Variants in IL1RAPL1 observed in about 807,000 individuals in gnomAD.
IL1RAPL1 encodes interleukin-1 receptor accessory protein-like 1.
In IL1RAPL1, 3 loss-of-function variants were observed where a neutral mutation model predicts 48.4. The ratio of observed to expected loss-of-function variants is 0.06; its 90% CI spans 0.03 to 0.16. The LOEUF is 0.16. Among genes scored for constraint, IL1RAPL1 ranks in the 10% least tolerant of loss-of-function variants. The pLI is 1.00. For synonymous variants in IL1RAPL1, 185 were observed against 187.7 expected (o/e 0.99, Z 0.12); for missense variants, 349 against 530.6 (o/e 0.66, Z 3.36).
chrX:29,161,486 G>A (rs1283034285), intron 2 of IL1RAPL1, among the ~76,000 whole-genome samples: 1 of 111,796 alleles, frequency 8.9e-6, no homozygotes, highest in African/African-American at 3.2e-5. Context: ...TTGAAATAAC[G>A]AACCCACTTG....
intron 2 of IL1RAPL1, among the ~76,000 whole-genome samples, chrX:29,038,874 T>G (rs1001018974): frequency 9.0e-6 from 1 of 111,708 alleles, no homozygotes; most frequent in Non-Finnish European, 1.9e-5. Flanking sequence ...ACTCTACCCA[T>G]GATGCATCAT....
chrX:28,739,937 A>G (rs1935887945), intron 1 of IL1RAPL1, among the ~76,000 whole-genome samples: 1 of 109,607 alleles, frequency 9.1e-6, no homozygotes, highest in African/African-American at 3.4e-5. Flanking sequence ...TAATTTTCTT[A>G]TATCCCCTAG....
intron 5 of IL1RAPL1, among the ~76,000 whole-genome samples, chrX:29,486,485 C>T (rs918543518): frequency 9.1e-6 from 1 of 109,975 alleles, no homozygotes; most frequent in Non-Finnish European, 1.9e-5. Context: ...CAGCATGACA[C>T]TATGTCTCTT....
chrX:29,499,514 A>G (rs1935249901), intron 5 of IL1RAPL1, among the ~76,000 whole-genome samples: 1 of 112,146 alleles, frequency 8.9e-6, no homozygotes, highest in African/African-American at 3.2e-5. Flanking sequence ...TACTACACAC[A>G]TATCAGATGA....
At chrX:29,183,651 G>A (rs1930191135) in intron 2 of IL1RAPL1, among the ~76,000 whole-genome samples, 1 of 111,743 alleles carries the variant, frequency 8.9e-6, no homozygotes, top group Non-Finnish European at 1.9e-5. Flanking sequence ...TGAATGAGAT[G>A]CCCTCCTCTC....
chrX:29,844,691 G>T (rs973130859), intron 6 of IL1RAPL1, among the ~76,000 whole-genome samples: 1 of 112,311 alleles, frequency 8.9e-6, no homozygotes, highest in African/African-American at 3.2e-5. Flanking sequence ...GTATACAGGA[G>T]AATGTGCATA....
At chrX:29,917,306 A>G (rs1166914021) in intron 6 of IL1RAPL1, among the ~76,000 whole-genome samples, 158 bp from the exon 7 acceptor site, 1 of 112,905 alleles carries the variant, frequency 8.9e-6, no homozygotes, top group African/African-American at 3.2e-5. Context: ...CACACATTCT[A>G]TCAATTTGAC....
At chrX:28,898,205 C>T (rs1433380156) in intron 2 of IL1RAPL1, among the ~76,000 whole-genome samples, 1 of 111,779 alleles carries the variant, frequency 8.9e-6, no homozygotes, top group East Asian at 2.8e-4. Flanking sequence ...AGTATTTTTT[C>T]TCATTCCTTG....
intron 8 of IL1RAPL1, among the ~76,000 whole-genome samples, chrX:29,925,923 C>A (rs1179036184): frequency 8.9e-6 from 1 of 112,082 alleles, no homozygotes; most frequent in Non-Finnish European, 1.9e-5. Flanking sequence ...ACCACTTGAG[C>A]TATTTCCTTA....
intron 2 of IL1RAPL1, among the ~76,000 whole-genome samples, chrX:29,241,385 G>A (rs1232314129): frequency 1.8e-5 from 2 of 111,497 alleles, no homozygotes; most frequent in African/African-American, 6.5e-5. Context: ...CAAGTTAAAG[G>A]ATAGCTTTTT....
intron 5 of IL1RAPL1, among the ~76,000 whole-genome samples, chrX:29,551,102 TAATG>T (rs1921802904): frequency 8.9e-6 from 1 of 112,327 alleles, no homozygotes; most frequent in South Asian, 3.6e-4. Context: ...TTACTTATCA[TAATG>T]TCTTCAAGGC....
chrX:29,231,030 C>T (rs1436158831), intron 2 of IL1RAPL1, among the ~76,000 whole-genome samples: 3 of 112,181 alleles, frequency 2.7e-5, no homozygotes, highest in African/African-American at 9.7e-5. Flanking sequence ...GAATCTGCTG[C>T]TACAAGATAT....
chrX:29,433,268 CTTCCAGAGATCT>C (rs1445839736), intron 5 of IL1RAPL1, among the ~76,000 whole-genome samples: 1 of 110,709 alleles, frequency 9.0e-6, no homozygotes, highest in East Asian at 2.8e-4. Flanking sequence ...GACAAACATC[CTTCCAGAGATCT>C]TTCTAACCAT....
intron 5 of IL1RAPL1, among the ~76,000 whole-genome samples, chrX:29,666,502 A>G (rs1225022880): frequency 9.3e-6 from 1 of 108,018 alleles, no homozygotes; most frequent in Admixed American, 1.0e-4. Flanking sequence ...TCAACATTCT[A>G]TAATTCCATG....
intron 5 of IL1RAPL1, among the ~76,000 whole-genome samples, chrX:29,614,222 C>T (rs141856612): frequency 7.2e-5 from 8 of 111,242 alleles, no homozygotes; most frequent in African/African-American, 2.6e-4. Flanking sequence ...GTCATACTTG[C>T]CTTGTTTTCT....
chrX:29,572,499 TA>T (rs2147799061), intron 5 of IL1RAPL1, among the ~76,000 whole-genome samples: 1 of 112,609 alleles, frequency 8.9e-6, no homozygotes, highest in African/African-American at 3.2e-5. Context: ...TGGCATTTTT[TA>T]ATGAAAATTT....
intron 5 of IL1RAPL1, among the ~76,000 whole-genome samples, chrX:29,492,910 A>T (rs982021496): frequency 7.2e-5 from 8 of 111,764 alleles, no homozygotes; most frequent in Non-Finnish European, 1.5e-4. Flanking sequence ...TAGGCTTATG[A>T]AGTCAAGCAT....
chrX:28,999,803 G>A (rs1427714526), intron 2 of IL1RAPL1, among the ~76,000 whole-genome samples: 2 of 111,665 alleles, frequency 1.8e-5, no homozygotes, highest in African/African-American at 3.3e-5. Context: ...AACTTCTTGC[G>A]CATAGGTATT....
chrX:29,879,136 T>G (rs1221416050), intron 6 of IL1RAPL1, among the ~76,000 whole-genome samples: 1 of 111,344 alleles, frequency 9.0e-6, no homozygotes, highest in African/African-American at 3.3e-5. Context: ...GACATTAGGA[T>G]GAGTGAAACG....
Sources: gnomAD v4.1 joint callset for allele counts (sites outside exome capture counted in the v4.1 genomes callset) on GRCh38, gnomAD v4.1.1 for gene constraint, MANE v1.5 for transcripts, NCBI Gene and HGNC (gene_info 2026-07-23, HGNC 2026-07-21) for gene names.